The following LIG1 variants were observed in gnomAD, a reference collection of about 807,000 sequenced individuals.
The protein encoded by LIG1 is DNA ligase 1.
A neutral mutation model predicts 115.7 loss-of-function variants in LIG1; 70 were observed. The ratio of observed to expected loss-of-function variants is 0.60; its 90% CI spans 0.50 to 0.74. LIG1 has a LOEUF of 0.74. Among genes scored for constraint, LIG1 ranks in the 30% least tolerant of loss-of-function variants. LIG1 has a pLI of 0.00. For missense variants in LIG1, 1,115 were observed against 1,225.6 expected (o/e 0.91, Z 1.35); for synonymous variants, 487 against 495.3 (o/e 0.98, Z 0.22).
At chr19:48,132,896 G>A (rs1413239197) in intron 18 of LIG1, 86 bp downstream of exon 18, 12 of 986,596 alleles carry the variant, frequency 1.2e-5, no homozygotes, top group Non-Finnish European at 1.8e-5. Context: ...GCGCAGGCCG[G>A]CTTGAAGCTC....
At chr19:48,156,938 CAAAAAAAAA>C (rs370802542) in intron 5 of LIG1, 67 bp downstream of exon 5, 29 of 611,000 alleles carry the variant, frequency 4.7e-5, no homozygotes, top group South Asian at 1.4e-4. Context: ...GACTATGTCT[CAAAAAAAAA>C]AAAAAAAAAA....
At chr19:48,162,690 T>C (rs1207530940) in intron 2 of LIG1, among the ~76,000 whole-genome samples, 1 of 152,016 alleles carries the variant, frequency 6.6e-6, no homozygotes, top group Non-Finnish European at 1.5e-5. Flanking sequence ...GGCCTCCCAA[T>C]GTGCTGGGAT....
chr19:48,119,528 TC>T (rs1477004587), intron 24 of LIG1, among the ~76,000 whole-genome samples: 7 of 126,558 alleles, frequency 5.5e-5, no homozygotes, highest in Non-Finnish European at 1.1e-4. Flanking sequence ...TCACTTCCAG[TC>T]TTTTTTTTTT....
intron 14 of LIG1, among the ~76,000 whole-genome samples, chr19:48,136,755 CCAAT>C (rs1262335955): frequency 6.6e-6 from 1 of 152,216 alleles, no homozygotes; most frequent in Non-Finnish European, 1.5e-5. Flanking sequence ...GCAGACCTCA[CCAAT>C]CAATCACAGC....
Position 48,150,075 on chromosome 19 carries a change from A to G in LIG1, c.697+13T>C. On this transcript the variant is annotated intron_variant, in intron 8 of 27. Coordinates refer to ENST00000263274, the MANE Select transcript of LIG1 (RefSeq NM_000234.3). ...TACAACCCCGGGAGGTGGGGTGAGC[A>G]AGGGAAACTCACTGAAGAAGCTGCT... 1 of 1,614,110 alleles carries G rather than the reference A, an allele frequency of 6.2e-7. No individual in the cohort carries two copies. Among genetic ancestry groups the G allele is most frequent in the South Asian group, 1.1e-5 (1 of 91,074 alleles).
At position 48,134,046 on chromosome 19, in the gene LIG1, C is replaced by T. The variant is rs1228371281; in HGVS notation, c.1544G>A (p.Arg515Gln). The change falls in exon 17 of 28, where the codon CGA (arginine) becomes CAA (glutamine). Residue 515 changes from arginine (R) to glutamine (Q), a missense_variant. Transcript: ENST00000263274. ...QTFCEVPDLD[R>Q]IIPVLLEHGL... ...GTGCTCCAGCAGCACGGGGATAATT[C>T]GGTCCAGGTCGGGAACCTCGCTGGG... 4 of 1,556,642 alleles carry T rather than the reference C, an allele frequency of 2.6e-6. No individual in the cohort carries two copies. Among genetic ancestry groups the T allele is most frequent in the East Asian group, 2.4e-5 (1 of 41,276 alleles).
chr19:48,165,074 C>A (rs914826087), intron 2 of LIG1, among the ~76,000 whole-genome samples: 2 of 152,184 alleles, frequency 1.3e-5, no homozygotes, highest in Non-Finnish European at 2.9e-5. Flanking sequence ...GCCTGACCAA[C>A]GTGGTGAAAC....
intron 21 of LIG1, chr19:48,123,565 C>A: frequency 1.8e-6 from 1 of 565,572 alleles, no homozygotes; most frequent in Admixed American, 3.0e-5. Flanking sequence ...CGGGGGGCTG[C>A]GGCCTTGCTG....
chr19:48,165,992 T>C (rs1490498129), intron 1 of LIG1, among the ~76,000 whole-genome samples: 2 of 152,234 alleles, frequency 1.3e-5, no homozygotes, highest in Non-Finnish European at 2.9e-5. Context: ...GCTTATAAAA[T>C]TGTACCCGCT....
intron 12 of LIG1, among the ~76,000 whole-genome samples, chr19:48,138,450 C>T (rs55825809): frequency 0.031 from 4,753 of 152,308 alleles, 109 homozygotes; most frequent in Non-Finnish European, 0.05. Context: ...TGCTCAGCCG[C>T]GGCACAGAGC....
intron 12 of LIG1, 102 bp downstream of exon 12, chr19:48,139,869 T>A: frequency 7.3e-7 from 1 of 1,379,206 alleles, no homozygotes; most frequent in Non-Finnish European, 1.0e-6. Flanking sequence ...CTCAACCCTG[T>A]TTCACAGCCT....
Position 48,137,821 on chromosome 19 carries a change from A to T in LIG1, c.1088-133T>A. The T allele has an allele frequency of 9.1e-7, 1 of 1,104,218 alleles. No homozygotes were observed. The allele number at this position is 1,104,218 out of a possible 1,614,324, so 68.4% of individuals were successfully genotyped here. A position where few individuals can be genotyped will look rare whatever the true frequency, so the allele number is the denominator to read the frequency against. On this transcript the variant is annotated intron_variant, in intron 12 of 27. Transcript: ENST00000263274. This position sits in a 1 kb window ranked among gnomAD's most constrained non-coding sequence, Gnocchi z 4.3. ...GAGTCCCTGCACCTCCCTGTGTCTAACGCTCACCCACTTGGTAGAAATGGC... is the reference window on the plus strand; with the variant it reads ...GAGTCCCTGCACCTCCCTGTGTCTATCGCTCACCCACTTGGTAGAAATGGC...
chr19:48,144,370 A>T (rs1327910020), intron 9 of LIG1, among the ~76,000 whole-genome samples: 1 of 152,170 alleles, frequency 6.6e-6, no homozygotes, highest in Non-Finnish European at 1.5e-5. Context: ...AGGTGCAGAC[A>T]AACTTGAGAA....
At chr19:48,136,168 C>T in intron 14 of LIG1, 43 bp from the exon 15 acceptor site, 2 of 1,440,334 alleles carry the variant, frequency 1.4e-6, no homozygotes, top group South Asian at 2.4e-5. Flanking sequence ...GTCTGCACCT[C>T]CCCAATCTTG....
chr19:48,165,888 G>A (rs1319228053), intron 1 of LIG1: 4 of 442,684 alleles, frequency 9.0e-6, no homozygotes, highest in Non-Finnish European at 1.6e-5. Context: ...GGAATAGACT[G>A]AGGACCTGAA....
rs201228692 is a variant in LIG1 at position 48,140,048 on chromosome 19, T to C, written c.1010A>G (p.His337Arg). The C allele has an allele frequency of 3.0e-5, 49 of 1,613,684 alleles. No homozygotes were observed. The highest frequency in any genetic ancestry group is 3.0e-5 in the Non-Finnish European group (35 of 1,179,974). ...LLPVLYLSLN[H>R]LGPPQQGLEL... is the part of the protein sequence containing the mutation. ...CAGGCCCTGCTGGGGTGGCCCAAGG[T>C]GGTTGAGGCTGAGGTAGAGGACAGG... The change falls in exon 12 of 28, where the codon CAC becomes CGC. Residue 337 changes from histidine to arginine, a missense_variant. Coordinates refer to ENST00000263274, the MANE Select transcript of LIG1 (RefSeq NM_000234.3).
chr19:48,166,946 T>A (rs999857895), intron 1 of LIG1, among the ~76,000 whole-genome samples: 1 of 117,212 alleles, frequency 8.5e-6, no homozygotes, highest in African/African-American at 3.5e-5. Context: ...GGCAACAGAG[T>A]AACACTCTGT....
At chr19:48,143,505 C>CGCGGGGGGGGGG in intron 11 of LIG1, 38 bp downstream of exon 11, 1 of 850,466 alleles carries the variant, frequency 1.2e-6, no homozygotes. Context: ...GACCCAGAAG[C>CGCGGGGGGGGGG]GACCCCGCCC....
In LIG1 at chr19:48,137,616, C is replaced by A. The variant is rs777331327; in HGVS notation, c.1160G>T (p.Arg387Leu). 5 of 1,611,826 alleles carry A rather than the reference C, an allele frequency of 3.1e-6. No homozygotes were observed. Among genetic ancestry groups the A allele is most frequent in the Admixed American group, 3.3e-5 (2 of 59,994 alleles). Residue 387 changes from arginine to leucine, a missense_variant, in exon 13 of 28, where the codon CGC (arginine) becomes CTC (leucine). By Grantham distance (102) the Arg-to-Leu change is moderately radical (BLOSUM62 -2). Transcript: ENST00000263274. The surrounding 1 kb of genome is among the most constrained non-coding windows in gnomAD (Gnocchi z 4.3). ...GDVGLVAENS[R>L]STQRLMLPPP... ...TGGCAGCATGAGCCTCTGGGTGCTG[C>A]GGCTGTTCTCGGCCACCAGCCCCAC...
Sources: gnomAD v4.1 joint callset for allele counts (sites outside exome capture counted in the v4.1 genomes callset) on GRCh38, gnomAD v4.1.1 for gene constraint, Gnocchi (gnomAD v3.1) non-coding constraint, MANE v1.5 for transcripts, NCBI Gene and HGNC (gene_info 2026-07-23, HGNC 2026-07-21) for gene names.